The following DOK4 variants were observed in gnomAD, a reference collection of about 807,000 sequenced individuals.
The protein encoded by DOK4 is downstream of tyrosine kinase 4.
DOK4 carries 26 observed loss-of-function variants against 40.1 expected under a neutral mutation model. The ratio of observed to expected loss-of-function variants is 0.65; its 90% CI spans 0.48 to 0.90. DOK4 has a LOEUF of 0.90. Ranked by LOEUF, DOK4 falls within the 40% of genes least tolerant of loss-of-function variation. DOK4 has a pLI of 0.00. For missense variants in DOK4, 392 were observed against 437.2 expected, an observed-to-expected ratio of 0.90 and a Z score of 0.92; for synonymous variants, 179 against 177.0, an observed-to-expected ratio of 1.01 and a Z score of -0.09.
chr16:57,478,477 C>G (rs1038156665), intron 2 of DOK4: 106 of 151,502 alleles, frequency 7.0e-4, no homozygotes, highest in African/African-American at 2.5e-3. Flanking sequence ...CTGGGTCAAA[C>G]ACAAGACTTG....
chr16:57,473,911 T>G, exon 7 of DOK4: 1 of 1,588,582 alleles, frequency 6.3e-7, no homozygotes, highest in Non-Finnish European at 8.6e-7. Flanking sequence ...CCTCACGTTC[T>G]TCTCCATTTC....
exon 9 of DOK4, chr16:57,473,434 C>T: frequency 6.2e-7 from 1 of 1,614,202 alleles, no homozygotes; most frequent in Non-Finnish European, 8.5e-7. Flanking sequence ...TTGGCTTTAG[C>T]AGGATGAATC....
At chr16:57,476,046 G>C in intron 2 of DOK4, 89 bp from the exon 3 acceptor site, 1 of 1,112,430 alleles carries the variant, frequency 9.0e-7, no homozygotes, top group Non-Finnish European at 1.3e-6. Flanking sequence ...CTGCCACAGG[G>C]GGCGGTGCCG....
chr16:57,473,667 A>G (rs1425589425), exon 8 of DOK4: 1 of 1,614,242 alleles, frequency 6.2e-7, no homozygotes, highest in Admixed American at 1.7e-5. Flanking sequence ...TGGTGCCAGT[A>G]GGCACTGCGC....
At chr16:57,473,517 C>T (rs1039542113) in intron 8 of DOK4, 22 bp from the exon 9 acceptor site, 10 of 1,614,192 alleles carry the variant, frequency 6.2e-6, no homozygotes, top group Non-Finnish European at 8.5e-6. Flanking sequence ...GAAGCAGGCT[C>T]AGAACTCAGA....
chr16:57,474,738 T>C (rs2031061625), intron 6 of DOK4, 55 bp downstream of exon 6: 3 of 1,588,944 alleles, frequency 1.9e-6, no homozygotes, highest in African/African-American at 2.7e-5. Flanking sequence ...ACAGAGTGAA[T>C]GGCAGCCACC....
rs79424484 is a variant in DOK4 at position 57,472,817 on chromosome 16, G to A, written c.*560C>T. The A allele has an allele frequency of 8.3e-3, 1,274 of 153,966 alleles. 37 individuals carry two copies. The highest frequency in any genetic ancestry group is 0.079 in the East Asian group (410 of 5,210). The allele number at this position is 153,966 out of a possible 1,614,324, so 9.5% of individuals were successfully genotyped here. ...GGCTGGCAAGCAGCACAGAGGAAGT[G>A]CAGATCCTTCCTGTGTCACTCCAGG... On this transcript the variant is annotated 3_prime_UTR_variant, in exon 9 of 9. Coordinates refer to ENST00000340099, the Ensembl canonical transcript of DOK4.
rs753751826 is a variant in DOK4 at position 57,474,786 on chromosome 16, G to GTCC, written c.599+4_599+6dup. 3.1e-6 allele frequency: 5 copies of GTCC among 1,613,098 alleles called. No homozygotes were observed. The highest frequency in any genetic ancestry group is 4.2e-6 in the Non-Finnish European group (5 of 1,179,772). ...TAGGACAGGGCTGGGAGGCGAGAGG[G>GTCC]TCCTACCGGCCAGCCTCGAAGGTAA... On this transcript the variant is annotated splice_region_variant and intron_variant, in intron 6 of 8. Transcript: ENST00000340099.
intron 6 of DOK4, 134 bp from the exon 7 acceptor site, chr16:57,474,173 G>A (rs1395990987): frequency 6.4e-5 from 76 of 1,180,004 alleles, no homozygotes; most frequent in Non-Finnish European, 8.1e-5. Context: ...TGGTCTGGGG[G>A]TCCGACCACA....
chr16:57,474,116 A>T, intron 6 of DOK4, 77 bp from the exon 7 acceptor site: 1 of 1,585,894 alleles, frequency 6.3e-7, no homozygotes, highest in Non-Finnish European at 8.6e-7. Flanking sequence ...CTCTCTTGCA[A>T]CTGCAAGTTG....
rs371978778 is a variant in DOK4, at chr16:57,479,456, T to C, written c.52A>G (p.Ser18Gly). The change falls in exon 2 of 9, where the codon AGC becomes GGC. Residue 18 changes from serine to glycine, a missense_variant. Ser to Gly is a moderately conservative substitution (Grantham distance 56, BLOSUM62 0). Transcript: ENST00000340099. The surrounding 1 kb of genome is among the most constrained non-coding windows in gnomAD (Gnocchi z 5.8). ...GGGTCACTCACCCCGAGCTTCCTGC[T>C]CTTCATCTTCACGTAGCCTTGCTTG... 5.0e-6 allele frequency: 8 copies of C among 1,613,794 alleles called. No homozygotes were observed. The African/African-American group carries it at 8.0e-5, about 16-fold the overall frequency.
exon 9 of DOK4, chr16:57,473,401 A>G (rs764571173): frequency 6.2e-7 from 1 of 1,613,976 alleles, no homozygotes; most frequent in Non-Finnish European, 8.5e-7. Flanking sequence ...TCTTGGCCTC[A>G]CTGCTGTCCC....
intron 1 of DOK4, among the ~76,000 whole-genome samples, chr16:57,482,160 G>A (rs1005708438): frequency 6.6e-6 from 1 of 151,110 alleles, no homozygotes; most frequent in Non-Finnish European, 1.5e-5. Flanking sequence ...CACTGCGCCC[G>A]GCCTTCTTTT....
intron 2 of DOK4, among the ~76,000 whole-genome samples, chr16:57,477,713 G>T (rs598486): frequency 6.6e-6 from 1 of 152,094 alleles, no homozygotes; most frequent in Non-Finnish European, 1.5e-5. Flanking sequence ...CAGCTCTGCC[G>T]CGGGAGAAAG....
At position 57,485,085 on chromosome 16, in the gene DOK4, A is replaced by G. The variant is rs2031508963; in HGVS notation, c.-182+1220T>C. On this transcript the variant is annotated intron_variant, in intron 1 of 8. Transcript: ENST00000340099. The surrounding 1 kb of genome is among the most constrained non-coding windows in gnomAD (Gnocchi z 4.3). Reference sequence around the variant, plus strand: ...GCCTCCATCTGGCTGGACCTGGCTCAGCTTCCAGAGGTGCGTGAGCCACAG... The same window carrying G: ...GCCTCCATCTGGCTGGACCTGGCTCGGCTTCCAGAGGTGCGTGAGCCACAG... 6.6e-6 allele frequency among the ~76,000 whole-genome samples: 1 copy of G among 152,210 alleles called. No individual in the cohort carries two copies. Among genetic ancestry groups the G allele is most frequent in the South Asian group, 2.1e-4 (1 of 4,834 alleles).
At chr16:57,482,728 C>A (rs1475190365) in intron 1 of DOK4, among the ~76,000 whole-genome samples, 1 of 152,112 alleles carries the variant, frequency 6.6e-6, no homozygotes, top group Non-Finnish European at 1.5e-5. Context: ...GTCAAGTGAT[C>A]CACAAGGCTC....
At chr16:57,474,012 A>G (rs1269360306) in exon 7 of DOK4, 5 of 1,614,108 alleles carry the variant, frequency 3.1e-6, no homozygotes, top group African/African-American at 1.3e-5. Flanking sequence ...TCTGGAAGGT[A>G]TAGAGTCCTT....
exon 9 of DOK4, chr16:57,473,219 G>T: frequency 8.7e-7 from 1 of 1,149,422 alleles, no homozygotes; most frequent in Non-Finnish European, 1.2e-6. Flanking sequence ...CCAGCCCTTT[G>T]CCTCAGTCCA....
At chr16:57,473,931 C>T in exon 7 of DOK4, 13 of 1,614,042 alleles carry the variant, frequency 8.1e-6, no homozygotes, top group African/African-American at 1.3e-5. Flanking sequence ...CCAGCAGGAC[C>T]CGCTTGTGCT....
Sources: gnomAD v4.1 joint callset for allele counts (sites outside exome capture counted in the v4.1 genomes callset) on GRCh38, gnomAD v4.1.1 for gene constraint, Gnocchi (gnomAD v3.1) non-coding constraint, MANE v1.5 for transcripts, NCBI Gene and HGNC (gene_info 2026-07-23, HGNC 2026-07-21) for gene names.